MDGA2: variants seen among roughly 807,000 people sequenced by gnomAD.
MDGA2 encodes the protein MAM domain-containing glycosylphosphatidylinositol anchor protein 2.
MDGA2 carries 40 observed loss-of-function variants against 117.8 expected under a neutral mutation model. That is an observed-to-expected ratio of 0.34 (90% confidence interval 0.26 to 0.44). The LOEUF is 0.44. Ranked by LOEUF, MDGA2 falls within the 20% of genes least tolerant of loss-of-function variation. The probability of loss-of-function intolerance (pLI) is 1.00; values close to 1 mark genes in which losing one functional copy is unlikely to be tolerated. For missense variants in MDGA2, 1,123 were observed against 1,250.6 expected, an observed-to-expected ratio of 0.90 and a Z score of 1.54; for synonymous variants, 452 against 439.0, an observed-to-expected ratio of 1.03 and a Z score of -0.37.
At chr14:47,532,106 G>A (rs978012199) in intron 1 of MDGA2, among the ~76,000 whole-genome samples, 4 of 152,166 alleles carry the variant, frequency 2.6e-5, no homozygotes, top group Non-Finnish European at 4.4e-5. Flanking sequence ...GAGGGGAGAT[G>A]AGCTACAGAC....
intron 2 of MDGA2, among the ~76,000 whole-genome samples, chr14:47,221,485 G>A (rs1285592966): frequency 6.6e-6 from 1 of 152,018 alleles, no homozygotes; most frequent in African/African-American, 2.4e-5. Flanking sequence ...TCAGGAGATC[G>A]AGACCATCCT....
chr14:47,309,040 G>A (rs1889550848), intron 1 of MDGA2, among the ~76,000 whole-genome samples: 1 of 151,960 alleles, frequency 6.6e-6, no homozygotes, highest in Non-Finnish European at 1.5e-5. Flanking sequence ...CATACTCCCT[G>A]CACCCATGAA....
At chr14:47,506,406 G>A (rs1452592555) in intron 1 of MDGA2, among the ~76,000 whole-genome samples, 1 of 152,150 alleles carries the variant, frequency 6.6e-6, no homozygotes, top group Non-Finnish European at 1.5e-5. Context: ...TTCTTGTCAT[G>A]GTACACAAAT....
intron 10 of MDGA2, among the ~76,000 whole-genome samples, chr14:46,916,378 C>T (rs557635280): frequency 6.6e-6 from 1 of 151,982 alleles, no homozygotes; most frequent in Non-Finnish European, 1.5e-5. Flanking sequence ...CCTCAGTCTC[C>T]CCATCTCCAA....
intron 1 of MDGA2, among the ~76,000 whole-genome samples, chr14:47,442,850 T>C (rs558945251): frequency 1.3e-5 from 2 of 152,118 alleles, no homozygotes; most frequent in African/African-American, 4.8e-5. Context: ...CTAAATCACA[T>C]GCTGTTTTGA....
intron 3 of MDGA2, among the ~76,000 whole-genome samples, chr14:47,187,929 G>A (rs887858926): frequency 1.3e-5 from 2 of 152,006 alleles, no homozygotes; most frequent in African/African-American, 2.4e-5. Context: ...GTGTGTGTGT[G>A]TGTGTGTGTG....
chr14:47,630,003 T>G (rs1057416807), intron 1 of MDGA2, among the ~76,000 whole-genome samples: 1 of 151,502 alleles, frequency 6.6e-6, no homozygotes, highest in African/African-American at 2.4e-5. Context: ...TAGCAAGGTA[T>G]AAAAGCAAGG....
intron 1 of MDGA2, among the ~76,000 whole-genome samples, chr14:47,665,820 C>CCGCCCT (rs1594971453): frequency 7.5e-6 from 1 of 133,862 alleles, no homozygotes; most frequent in Non-Finnish European, 1.6e-5. Flanking sequence ...CCCCTCCCCC[C>CCGCCCT]CGCCCCCGCC....
chr14:46,871,047 A>C (rs1881974422), intron 14 of MDGA2: 1 of 151,982 alleles, frequency 6.6e-6, no homozygotes, highest in South Asian at 2.1e-4. Flanking sequence ...AAGAGGAAAC[A>C]GAGTATACAT....
chr14:46,953,744 T>C (rs1211298096), intron 9 of MDGA2, among the ~76,000 whole-genome samples: 2 of 152,038 alleles, frequency 1.3e-5, no homozygotes, highest in East Asian at 3.8e-4. Context: ...GTGTAGTTAG[T>C]GGGAACATAA....
At chr14:47,319,841 A>G (rs1285998475) in intron 1 of MDGA2, among the ~76,000 whole-genome samples, 2 of 152,198 alleles carry the variant, frequency 1.3e-5, no homozygotes, top group African/African-American at 4.8e-5. Flanking sequence ...TGGAGTCTCA[A>G]CCTCCATTAA....
intron 1 of MDGA2, among the ~76,000 whole-genome samples, chr14:47,578,263 G>C (rs1411258589): frequency 6.6e-6 from 1 of 151,986 alleles, no homozygotes; most frequent in Non-Finnish European, 1.5e-5. Flanking sequence ...GGGGGTGGGG[G>C]TGAGGGGAAG....
At chr14:47,348,194 T>C (rs997516538) in intron 1 of MDGA2, among the ~76,000 whole-genome samples, 2 of 143,324 alleles carry the variant, frequency 1.4e-5, no homozygotes, top group African/African-American at 5.2e-5. Flanking sequence ...TGTGTGTGTG[T>C]GCTTAAAATA....
chr14:47,548,756 G>C (rs1429441795), intron 1 of MDGA2, among the ~76,000 whole-genome samples: 1 of 149,482 alleles, frequency 6.7e-6, no homozygotes, highest in East Asian at 1.9e-4. Context: ...CCCTGAATGT[G>C]GCCAGCGTGC....
At chr14:47,346,546 C>T (rs541135567) in intron 1 of MDGA2, among the ~76,000 whole-genome samples, 17 of 152,238 alleles carry the variant, frequency 1.1e-4, no homozygotes, top group African/African-American at 1.7e-4. Context: ...TGTTTTGGTT[C>T]TTTCATGCAT....
At chr14:47,068,030 A>AACAT (rs1370959303) in intron 6 of MDGA2, among the ~76,000 whole-genome samples, 1 of 152,160 alleles carries the variant, frequency 6.6e-6, no homozygotes, top group Non-Finnish European at 1.5e-5. Context: ...AAAGTGGTTT[A>AACAT]ACATAGCACC....
chr14:47,231,127 TTAAC>T (rs1451262038), intron 2 of MDGA2, among the ~76,000 whole-genome samples: 1 of 152,054 alleles, frequency 6.6e-6, no homozygotes, highest in African/African-American at 2.4e-5. Flanking sequence ...TTCAAAAATA[TTAAC>T]TAACTTTCCT....
rs1196582060 is a variant in MDGA2, at chr14:47,152,122, GT to G, written c.596-7849del. Among the ~76,000 whole-genome samples the G allele has an allele frequency of 9.9e-5, 15 of 152,222 alleles. No homozygotes were observed. In the East Asian group the frequency reaches 2.1e-3, roughly 22 times the overall value. The stretch of plus-strand genomic sequence containing the variant: ...TAAGAAAATTAATGTAATATATGCT[GT>G]TTTCCTCAACTCTAGAAATAACTGT... On this transcript the variant is annotated intron_variant, in intron 3 of 16. Coordinates refer to ENST00000399232, the MANE Select transcript of MDGA2 (RefSeq NM_001113498.3).
At chr14:47,073,245 T>A (rs958275074) in intron 6 of MDGA2, among the ~76,000 whole-genome samples, 3 of 152,168 alleles carry the variant, frequency 2.0e-5, no homozygotes, top group South Asian at 2.1e-4. Flanking sequence ...GCCTATTAAG[T>A]TTTTGGTGAG....
Sources: allele counts gnomAD v4.1 joint callset (sites outside exome capture counted in the v4.1 genomes callset), GRCh38; gene constraint gnomAD v4.1.1; transcripts MANE v1.5; gene names NCBI Gene and HGNC (gene_info 2026-07-23, HGNC 2026-07-21).